The following ARK2N variants were observed in gnomAD, a reference collection of about 807,000 sequenced individuals.
ARK2N encodes arkadia (RNF111) N-terminal like PKA signaling regulator 2N.
At chr18:46,240,254 T>C in the ARK2N span, 1 of 1,533,974 alleles carries the variant, frequency 6.5e-7, no homozygotes, top group East Asian at 2.3e-5. Context: ...GTTTTCCTTG[T>C]AGTGGACCCT....
At chr18:46,215,799 G>T in the ARK2N span, 2 of 1,326,566 alleles carry the variant, frequency 1.5e-6, no homozygotes, top group Non-Finnish European at 2.1e-6. Flanking sequence ...GACTTTGTGT[G>T]TTTTTGTACA....
chr18:46,198,143 A>G, the ARK2N span, among the ~76,000 whole-genome samples: 1 of 151,950 alleles, frequency 6.6e-6, no homozygotes, highest in Admixed American at 6.6e-5. Context: ...CTCTACTAAA[A>G]ATACAAAAGT....
the ARK2N span, among the ~76,000 whole-genome samples, chr18:46,223,888 A>G: frequency 6.9e-3 from 1,044 of 152,324 alleles, 8 homozygotes; most frequent in African/African-American, 0.023. Flanking sequence ...AGAGATAAAG[A>G]TTAGGAATGG....
chr18:46,253,032 G>A, the ARK2N span, among the ~76,000 whole-genome samples: 4 of 152,200 alleles, frequency 2.6e-5, no homozygotes, highest in Non-Finnish European at 5.9e-5. Flanking sequence ...AGAACTCTCA[G>A]CAATGTACAA....
the ARK2N span, among the ~76,000 whole-genome samples, chr18:46,231,252 T>C: frequency 2.6e-5 from 4 of 151,994 alleles, no homozygotes; most frequent in Admixed American, 6.5e-5. Context: ...GAAAGTGTTA[T>C]CTGTTTTTTG....
the ARK2N span, among the ~76,000 whole-genome samples, chr18:46,194,325 G>A: frequency 6.6e-6 from 1 of 151,886 alleles, no homozygotes; most frequent in African/African-American, 2.4e-5. Context: ...AATAGGCCAG[G>A]TGCGGGGGCT....
the ARK2N span, among the ~76,000 whole-genome samples, chr18:46,242,362 T>C: frequency 3.3e-5 from 5 of 152,232 alleles, no homozygotes; most frequent in Admixed American, 6.5e-5. Context: ...ATCAGCCATT[T>C]CTTATGACTT....
the ARK2N span, among the ~76,000 whole-genome samples, chr18:46,176,942 AGTCTCCCTAT>A: frequency 6.6e-6 from 1 of 152,026 alleles, no homozygotes; most frequent in Admixed American, 6.6e-5. Flanking sequence ...GTAGAGATGG[AGTCTCCCTAT>A]GTTGCCCAGA....
At chr18:46,213,414 TAAAA>T in the ARK2N span, among the ~76,000 whole-genome samples, 1 of 151,922 alleles carries the variant, frequency 6.6e-6, no homozygotes, top group East Asian at 1.9e-4. Context: ...TTGACTGGCT[TAAAA>T]AAAAGAACTT....
At chr18:46,258,886 C>T in the ARK2N span, among the ~76,000 whole-genome samples, 2 of 152,086 alleles carry the variant, frequency 1.3e-5, no homozygotes, top group African/African-American at 4.8e-5. Flanking sequence ...AACCATTGTG[C>T]TCCCTCTTTC....
At chr18:46,214,310 A>T in the ARK2N span, among the ~76,000 whole-genome samples, 1 of 152,182 alleles carries the variant, frequency 6.6e-6, no homozygotes, top group East Asian at 1.9e-4. Flanking sequence ...AATAATGGTT[A>T]TGTGTGTCTG....
At chr18:46,252,259 A>T in the ARK2N span, among the ~76,000 whole-genome samples, 2 of 150,608 alleles carry the variant, frequency 1.3e-5, no homozygotes, top group African/African-American at 4.9e-5. Context: ...GGGAGAAGAG[A>T]GTTGCATGTA....
chr18:46,178,749 C>T, the ARK2N span, among the ~76,000 whole-genome samples: 1 of 151,974 alleles, frequency 6.6e-6, no homozygotes, highest in Non-Finnish European at 1.5e-5. Flanking sequence ...ACCGTCTCTA[C>T]AGAAAAATTA....
the ARK2N span, chr18:46,239,896 G>A: frequency 1.0e-6 from 1 of 994,800 alleles, no homozygotes; most frequent in African/African-American, 1.6e-5. Flanking sequence ...CAGCTTTTCT[G>A]ATGAGATAGA....
chr18:46,264,910 T>G, the ARK2N span: 1 of 152,444 alleles, frequency 6.6e-6, no homozygotes, highest in African/African-American at 2.4e-5. Context: ...TTTTTTTTAT[T>G]TTTATTTTCT....
chr18:46,237,720 G>A, the ARK2N span, among the ~76,000 whole-genome samples: 2 of 152,042 alleles, frequency 1.3e-5, no homozygotes, highest in Non-Finnish European at 2.9e-5. Flanking sequence ...ACTTAATTTT[G>A]GTTTCCTAAT....
chr18:46,203,292 G>A, the ARK2N span, among the ~76,000 whole-genome samples: 1 of 152,152 alleles, frequency 6.6e-6, no homozygotes. Flanking sequence ...GTTATACAGT[G>A]GAATACTTTG....
the ARK2N span, among the ~76,000 whole-genome samples, chr18:46,212,576 C>T: frequency 1.3e-5 from 2 of 151,704 alleles, no homozygotes; most frequent in Non-Finnish European, 2.9e-5. Context: ...TAACTTTTGT[C>T]CTGTTTGTGG....
chr18:46,234,175 A>G, the ARK2N span, among the ~76,000 whole-genome samples: 2 of 152,080 alleles, frequency 1.3e-5, no homozygotes, highest in African/African-American at 4.8e-5. Context: ...CCGAGAAGCG[A>G]TGATTGGTAT....
Sources: allele counts gnomAD v4.1 joint callset (sites outside exome capture counted in the v4.1 genomes callset), GRCh38; gene constraint gnomAD v4.1.1; transcripts MANE v1.5; gene names NCBI Gene and HGNC (gene_info 2026-07-23, HGNC 2026-07-21).